Variants in KDM4B observed in about 807,000 individuals in gnomAD.
The protein encoded by KDM4B is lysine demethylase 4B.
KDM4B carries 32 observed loss-of-function variants against 125.2 expected under a neutral mutation model. The observed-to-expected ratio is 0.26, with a 90% CI of 0.19 to 0.34. KDM4B has a LOEUF of 0.34. Among genes scored for constraint, KDM4B ranks in the 10% least tolerant of loss-of-function variants. The probability of loss-of-function intolerance (pLI) is 1.00; values close to 1 mark genes in which losing one functional copy is unlikely to be tolerated. For synonymous variants in KDM4B, 721 were observed against 677.9 expected (o/e 1.06, Z -0.99); for missense variants, 1,190 against 1,577.7 (o/e 0.75, Z 4.16).
intron 1 of KDM4B, among the ~76,000 whole-genome samples, chr19:5,012,307 C>T (rs955171965): frequency 6.6e-6 from 1 of 152,214 alleles, no homozygotes. Flanking sequence ...CTGCCACCCC[C>T]CACCCGTTTT....
chr19:4,982,182 A>G (rs551255246), intron 1 of KDM4B, among the ~76,000 whole-genome samples: 2 of 152,144 alleles, frequency 1.3e-5, no homozygotes, highest in East Asian at 1.9e-4. Context: ...AATCCCAGCT[A>G]CTTGGAGGCT....
chr19:5,073,113 C>G lies in KDM4B; in HGVS notation c.676+2054C>G, dbSNP rs183290242. 1.5e-3 allele frequency among the ~76,000 whole-genome samples: 234 copies of G among 152,380 alleles called. 2 individuals are homozygous for G. The highest frequency in any genetic ancestry group is 5.1e-3 in the African/African-American group (214 of 41,588). ...CCACCTCAAGATCCTTAACTCGATC[C>G]CATCTGCAAAGTCCCTTTCAGCATG... On this transcript the variant is annotated intron_variant, in intron 7 of 22. Coordinates refer to ENST00000159111, the MANE Select transcript of KDM4B (RefSeq NM_015015.3).
intron 13 of KDM4B, among the ~76,000 whole-genome samples, chr19:5,133,243 C>T (rs977191280): frequency 3.9e-5 from 6 of 152,142 alleles, no homozygotes; most frequent in South Asian, 2.1e-4. Context: ...GAGAGACCGC[C>T]GCGGCTTCTC....
At chr19:5,039,690 T>TG (rs34116402) in intron 3 of KDM4B, 146 bp from the exon 4 acceptor site, 66 of 807,084 alleles carry the variant, frequency 8.2e-5, no homozygotes, top group African/African-American at 1.2e-4. Flanking sequence ...ATAAGGCAAA[T>TG]GGGGGGGTTC....
At chr19:5,096,840 C>T (rs2038836806) in intron 9 of KDM4B, among the ~76,000 whole-genome samples, 1 of 151,804 alleles carries the variant, frequency 6.6e-6, no homozygotes, top group Non-Finnish European at 1.5e-5. Context: ...TGCGTGTTGC[C>T]GTGGCGCCTG....
chr19:5,128,890 C>T (rs2039496199), intron 11 of KDM4B, among the ~76,000 whole-genome samples: 2 of 148,834 alleles, frequency 1.3e-5, no homozygotes, highest in South Asian at 4.3e-4. Flanking sequence ...CAGCGGGGGG[C>T]CCGGATACCA....
At chr19:5,085,532 A>C (rs2038462427) in intron 9 of KDM4B, among the ~76,000 whole-genome samples, 1 of 152,248 alleles carries the variant, frequency 6.6e-6, no homozygotes, top group Non-Finnish European at 1.5e-5. Flanking sequence ...TTCACAAACA[A>C]GTTGGCATTT....
At chr19:5,138,160 T>A in intron 18 of KDM4B, 90 bp downstream of exon 18, 1 of 989,590 alleles carries the variant, frequency 1.0e-6, no homozygotes, top group Non-Finnish European at 1.5e-6. Context: ...TGAAGCGGTC[T>A]TTCCTCCAAG....
At position 5,137,951 on chromosome 19, in the gene KDM4B, T is replaced by C. The variant is rs2039678771; in HGVS notation, c.2442-11T>C. On this transcript the variant is annotated splice_polypyrimidine_tract_variant and intron_variant, in intron 17 of 22. Coordinates refer to ENST00000159111, the MANE Select transcript of KDM4B (RefSeq NM_015015.3). ...GAGGCGCACCTGACCCCGCTGCACC[T>C]GCCCTCCCAGGTGGATCCACGTGAT... 8 of 1,609,108 alleles carry C rather than the reference T, an allele frequency of 5.0e-6. No homozygotes were observed. The highest frequency in any genetic ancestry group is 6.8e-6 in the Non-Finnish European group (8 of 1,178,030).
chr19:5,082,291 C>G lies in KDM4B; in HGVS notation c.781-76C>G, dbSNP rs1200769258. On this transcript the variant is annotated intron_variant, in intron 8 of 22. Coordinates refer to ENST00000159111, the MANE Select transcript of KDM4B (RefSeq NM_015015.3). This position sits in a 1 kb window ranked among gnomAD's most constrained non-coding sequence, Gnocchi z 5.4. ...CATAAGCCAGGCTCCCTGGCACTTG[C>G]TGGGAAGTGCCCACGTCCCATCCCC... 4 of 1,576,304 alleles carry G rather than the reference C, an allele frequency of 2.5e-6. No individual in the cohort carries two copies. The highest frequency in any genetic ancestry group is 1.7e-4 in the Middle Eastern group (1 of 5,966).
chr19:5,119,611 C>A, intron 10 of KDM4B, 42 bp from the exon 11 acceptor site: 1 of 1,525,588 alleles, frequency 6.6e-7, no homozygotes, highest in South Asian at 1.2e-5. Flanking sequence ...GGGCTCTTCC[C>A]TCCCTGGTCT....
chr19:5,051,599 C>T (rs2037225680), intron 6 of KDM4B, among the ~76,000 whole-genome samples: 1 of 152,228 alleles, frequency 6.6e-6, no homozygotes, highest in South Asian at 2.1e-4. Flanking sequence ...AGAGGAAGGC[C>T]CTCCTGAGGA....
At chr19:5,065,990 A>G (rs1254989656) in intron 6 of KDM4B, among the ~76,000 whole-genome samples, 2 of 152,158 alleles carry the variant, frequency 1.3e-5, no homozygotes, top group Admixed American at 1.3e-4. Flanking sequence ...GTGCTGAAAC[A>G]GGGACATGCG....
At chr19:5,009,667 C>T (rs1179108620) in intron 1 of KDM4B, among the ~76,000 whole-genome samples, 1 of 152,184 alleles carries the variant, frequency 6.6e-6, no homozygotes, top group African/African-American at 2.4e-5. Flanking sequence ...ATGTGAGCAT[C>T]TTATGTAACC....
chr19:5,019,468 GGGTGTT>G (rs367627889), intron 2 of KDM4B, among the ~76,000 whole-genome samples: 37 of 121,762 alleles, frequency 3.0e-4, no homozygotes, highest in African/African-American at 8.8e-4. Flanking sequence ...GTGCAGGTGT[GGGTGTT>G]GGTGTTGGTG....
intron 1 of KDM4B, among the ~76,000 whole-genome samples, chr19:5,002,564 C>T (rs1350335251): frequency 2.0e-5 from 3 of 151,170 alleles, no homozygotes; most frequent in African/African-American, 7.3e-5. Flanking sequence ...ATGTTGCCCA[C>T]GCTGGTCTCA....
chr19:5,019,461 CAGGTGT>C (rs1233090523), intron 2 of KDM4B, among the ~76,000 whole-genome samples: 5 of 99,414 alleles, frequency 5.0e-5, no homozygotes, highest in East Asian at 3.6e-4. Flanking sequence ...TGTTGGTGTG[CAGGTGT>C]GGGTGTTGGT....
chr19:5,112,726 C>G (rs1317730990), intron 10 of KDM4B: 2 of 152,502 alleles, frequency 1.3e-5, no homozygotes, highest in Non-Finnish European at 2.9e-5. Context: ...AATGTTCCCT[C>G]TGCCCCGAGT....
At chr19:5,054,270 G>A (rs1023817260) in intron 6 of KDM4B, among the ~76,000 whole-genome samples, 3 of 152,118 alleles carry the variant, frequency 2.0e-5, no homozygotes, top group Non-Finnish European at 2.9e-5. Context: ...TTGTAGAGAC[G>A]GGGTCTCCCC....
Sources: gnomAD v4.1 joint callset for allele counts (sites outside exome capture counted in the v4.1 genomes callset) on GRCh38, gnomAD v4.1.1 for gene constraint, Gnocchi (gnomAD v3.1) non-coding constraint, MANE v1.5 for transcripts, NCBI Gene and HGNC (gene_info 2026-07-23, HGNC 2026-07-21) for gene names.